Variants in ATP6V1C1 observed in about 807,000 individuals in gnomAD.
The protein encoded by ATP6V1C1 is V-type proton ATPase subunit C 1.
Under a neutral mutation model 53.9 loss-of-function variants are expected in ATP6V1C1, and 45 were observed. The observed-to-expected ratio is 0.83, with a 90% CI of 0.66 to 1.07. The LOEUF is 1.07. Ranked by LOEUF, ATP6V1C1 falls within the 50% of genes least tolerant of loss-of-function variation. The pLI is 0.00. For missense variants in ATP6V1C1, 315 were observed against 440.3 expected, an observed-to-expected ratio of 0.72 and a Z score of 2.55; for synonymous variants, 153 against 155.2, an observed-to-expected ratio of 0.99 and a Z score of 0.11.
At chr8:103,063,114 T>G (rs775220823) in intron 9 of ATP6V1C1, 21 bp from the exon 10 acceptor site, 56 of 1,607,800 alleles carry the variant, frequency 3.5e-5, no homozygotes, top group Admixed American at 3.3e-4. Flanking sequence ...AACAATTTTG[T>G]TTTTTTTCCC....
intron 8 of ATP6V1C1, among the ~76,000 whole-genome samples, chr8:103,059,974 CTTT>C (rs538649832): frequency 7.1e-6 from 1 of 140,724 alleles, no homozygotes. Flanking sequence ...TTCTTTCTTT[CTTT>C]TTTTTTTTTT....
chr8:103,021,634 G>C (rs1816592172), intron 1 of ATP6V1C1, among the ~76,000 whole-genome samples: 1 of 151,322 alleles, frequency 6.6e-6, no homozygotes, highest in Non-Finnish European at 1.5e-5. Context: ...TGTTGGGGGG[G>C]GCGCGGGTGT....
At chr8:103,051,484 A>G (rs1817198556) in intron 5 of ATP6V1C1, among the ~76,000 whole-genome samples, 2 of 152,162 alleles carry the variant, frequency 1.3e-5, no homozygotes, top group Admixed American at 1.3e-4. Context: ...TCATTCAGGT[A>G]GGTGATAGTA....
At chr8:103,021,570 T>C (rs1238807710) in intron 1 of ATP6V1C1, 1 of 149,500 alleles carries the variant, frequency 6.7e-6, no homozygotes, top group African/African-American at 2.5e-5. Flanking sequence ...CAGGTGAGGC[T>C]ATGGAGTGGT....
chr8:103,031,513 A>G (rs887151301), intron 1 of ATP6V1C1, among the ~76,000 whole-genome samples: 2 of 152,158 alleles, frequency 1.3e-5, no homozygotes, highest in Non-Finnish European at 2.9e-5. Flanking sequence ...GGGGGAAGGT[A>G]ACAGTCAGAT....
chr8:103,042,950 A>G (rs1301043916), intron 3 of ATP6V1C1, among the ~76,000 whole-genome samples: 3 of 152,240 alleles, frequency 2.0e-5, no homozygotes, highest in Non-Finnish European at 4.4e-5. Context: ...TATTACTAAT[A>G]TTCCACTATA....
intron 8 of ATP6V1C1, among the ~76,000 whole-genome samples, chr8:103,062,385 G>C (rs376960274): frequency 1.2e-3 from 185 of 151,908 alleles, no homozygotes; most frequent in African/African-American, 4.2e-3. Flanking sequence ...TGCCCAGGCT[G>C]GTCTCAAAGT....
intron 1 of ATP6V1C1, among the ~76,000 whole-genome samples, chr8:103,028,484 A>G (rs1816736589): frequency 6.6e-6 from 1 of 152,194 alleles, no homozygotes; most frequent in Non-Finnish European, 1.5e-5. Flanking sequence ...CATTAAATAT[A>G]CTGTATAATC....
At position 103,054,039 on chromosome 8, in the gene ATP6V1C1, A is replaced by G. The variant is rs1817246575; in HGVS notation, c.572+57A>G. The G allele has an allele frequency of 2.2e-6, 3 of 1,369,406 alleles. 1 individual carries two copies. The highest frequency in any genetic ancestry group is 4.1e-4 in the Middle Eastern group (2 of 4,920). The allele number at this position is 1,369,406 out of a possible 1,614,324, so 84.8% of individuals were successfully genotyped here. On this transcript the variant is annotated intron_variant, in intron 7 of 12. Coordinates refer to ENST00000518738, the MANE Select transcript of ATP6V1C1 (RefSeq NM_001695.5). ...GTTAAAATACAAGAAAAATGTTAGTATCTAGTATTGTAGTTTGAAGTTTTC... is the reference window on the plus strand; with the variant it reads ...GTTAAAATACAAGAAAAATGTTAGTGTCTAGTATTGTAGTTTGAAGTTTTC...
chr8:103,046,234 G>T (rs1053556627), intron 3 of ATP6V1C1, among the ~76,000 whole-genome samples: 4 of 151,660 alleles, frequency 2.6e-5, no homozygotes, highest in African/African-American at 9.7e-5. Flanking sequence ...TCAGAGACAG[G>T]GTCTTGGTGT....
rs900800100 is a variant in ATP6V1C1, at chr8:103,069,529, A to T, written c.*782A>T. On this transcript the variant is annotated 3_prime_UTR_variant, in exon 13 of 13. Transcript: ENST00000518738. Reference sequence around the variant, plus strand: ...TTTTAGGTCTCTCAAATAATTAAGAATAGAGCCAGTTTTGAATAAAGTCTA... The same window carrying T: ...TTTTAGGTCTCTCAAATAATTAAGATTAGAGCCAGTTTTGAATAAAGTCTA... 1 of 152,258 alleles carries T rather than the reference A, an allele frequency of 6.6e-6. No individual in the cohort carries two copies. Among genetic ancestry groups the T allele is most frequent in the Non-Finnish European group, 1.5e-5 (1 of 68,052 alleles). 9.4% of individuals were successfully genotyped at this position (152,258 alleles called of 1,614,324 possible). A position where few individuals can be genotyped will look rare whatever the true frequency, so the allele number is the denominator to read the frequency against.
At chr8:103,054,443 A>G (rs1018360007) in intron 7 of ATP6V1C1, among the ~76,000 whole-genome samples, 4 of 152,090 alleles carry the variant, frequency 2.6e-5, no homozygotes, top group African/African-American at 9.7e-5. Context: ...GGCTTTGTAA[A>G]CAATGTGATC....
chr8:103,070,893 G>C lies in ATP6V1C1; in HGVS notation c.*2146G>C, dbSNP rs1817576171. On this transcript the variant is annotated 3_prime_UTR_variant, in exon 13 of 13. Transcript: ENST00000518738. Reference sequence around the variant, plus strand: ...CTCCTCTGTAAAATGGGCATGATTAGAGTGCCCACCGCATTAGGGATGTTG... The same window carrying C: ...CTCCTCTGTAAAATGGGCATGATTACAGTGCCCACCGCATTAGGGATGTTG... The C allele has an allele frequency of 6.6e-6, 1 of 152,256 alleles. No individual in the cohort carries two copies. Among genetic ancestry groups the C allele is most frequent in the Non-Finnish European group, 1.5e-5 (1 of 68,088 alleles). 9.4% of individuals were successfully genotyped at this position (152,256 alleles called of 1,614,324 possible).
At chr8:103,059,673 C>T (rs1247813591) in intron 8 of ATP6V1C1, among the ~76,000 whole-genome samples, 2 of 152,054 alleles carry the variant, frequency 1.3e-5, no homozygotes, top group Admixed American at 6.6e-5. Flanking sequence ...TCTCCCCACT[C>T]CCCCAAGACC....
At chr8:103,057,898 C>G (rs1478530213) in intron 8 of ATP6V1C1, among the ~76,000 whole-genome samples, 2 of 151,840 alleles carry the variant, frequency 1.3e-5, no homozygotes, top group Non-Finnish European at 2.9e-5. Flanking sequence ...CTGAAGACTA[C>G]AGTTGTGTCT....
chr8:103,045,524 A>G (rs1169527123), intron 3 of ATP6V1C1, among the ~76,000 whole-genome samples: 1 of 152,236 alleles, frequency 6.6e-6, no homozygotes, highest in Non-Finnish European at 1.5e-5. Context: ...AATTCCATAT[A>G]TTCATATAGA....
intron 3 of ATP6V1C1, among the ~76,000 whole-genome samples, chr8:103,043,355 C>T (rs1321187122): frequency 1.3e-5 from 2 of 152,190 alleles, no homozygotes; most frequent in African/African-American, 2.4e-5. Context: ...CGGAGTCTCG[C>T]TCTGTCGCCC....
rs1222699850 is a variant in ATP6V1C1, at chr8:103,069,831, AT to A, written c.*1085del. 2 of 151,944 alleles carry A rather than the reference AT, an allele frequency of 1.3e-5. No individual in the cohort carries two copies. Among genetic ancestry groups the A allele is most frequent in the Non-Finnish European group, 2.9e-5 (2 of 68,048 alleles). 9.4% of individuals were successfully genotyped at this position (151,944 alleles called of 1,614,324 possible). ...TTCAGTTTAGGGGCATATCTAAGCT[AT>A]GCTATTCCCTTTAGAAAATTAGCCT... On this transcript the variant is annotated 3_prime_UTR_variant, in exon 13 of 13. Transcript: ENST00000518738.
chr8:103,024,424 A>G (rs1056956343), intron 1 of ATP6V1C1, among the ~76,000 whole-genome samples: 5 of 152,192 alleles, frequency 3.3e-5, no homozygotes, highest in African/African-American at 9.7e-5. Flanking sequence ...AGATAATACC[A>G]TTGGCCAACT....
Sources: allele counts gnomAD v4.1 joint callset (sites outside exome capture counted in the v4.1 genomes callset), GRCh38; gene constraint gnomAD v4.1.1; transcripts MANE v1.5; gene names NCBI Gene and HGNC (gene_info 2026-07-23, HGNC 2026-07-21).